Variants in ENPEP observed in about 807,000 individuals in gnomAD.
The protein encoded by ENPEP is AP-A.
ENPEP carries 103 observed loss-of-function variants against 114.5 expected under a neutral mutation model. That is an observed-to-expected ratio of 0.90 (90% CI 0.77 to 1.06). The LOEUF is 1.06. Ranked by LOEUF, ENPEP falls within the 50% of genes least tolerant of loss-of-function variation. The pLI is 0.00. For synonymous variants in ENPEP, 420 were observed against 422.0 expected (o/e 1.00, Z 0.06); for missense variants, 1,196 against 1,161.3 (o/e 1.03, Z -0.43).
At chr4:110,559,308 G>C (rs1455047392) in intron 18 of ENPEP, 1 of 186,010 alleles carries the variant, frequency 5.4e-6, no homozygotes, top group Non-Finnish European at 1.1e-5. Flanking sequence ...TAAGAATTGG[G>C]TTACCTGTGG....
intron 10 of ENPEP, among the ~76,000 whole-genome samples, chr4:110,522,280 C>T (rs960075199): frequency 6.6e-6 from 1 of 151,882 alleles, no homozygotes; most frequent in African/African-American, 2.4e-5. Flanking sequence ...TTCTCGGGTT[C>T]AAGCCGTTCT....
At chr4:110,500,349 T>G (rs181862021) in intron 3 of ENPEP, among the ~76,000 whole-genome samples, 1 of 152,304 alleles carries the variant, frequency 6.6e-6, no homozygotes, top group Admixed American at 6.5e-5. Flanking sequence ...GAATATCAGC[T>G]GAATAAGGCT....
intron 3 of ENPEP, among the ~76,000 whole-genome samples, chr4:110,501,564 T>A (rs1351293133): frequency 6.6e-6 from 1 of 152,218 alleles, no homozygotes; most frequent in Non-Finnish European, 1.5e-5. Flanking sequence ...GCTAGTTCTC[T>A]TAGGATAAAA....
chr4:110,525,236 T>C (rs893928151), intron 10 of ENPEP, among the ~76,000 whole-genome samples: 13 of 152,184 alleles, frequency 8.5e-5, no homozygotes, highest in Admixed American at 5.9e-4. Context: ...GCTGCTCCCA[T>C]CTGAAGGAAA....
At position 110,548,341 on chromosome 4, in the gene ENPEP, ATGG is replaced by A; in HGVS notation, c.2151+17_2151+19del. On this transcript the variant is annotated intron_variant, in intron 14 of 19. Transcript: ENST00000265162. ...CTATGATTGAGGTGACGTTAATGCT[ATGG>A]TATCTTATGAAAGTAAATGTTTAGC... 6.6e-7 allele frequency: 1 copy of A among 1,522,186 alleles called. No individual in the cohort carries two copies. 94.3% of individuals were successfully genotyped at this position (1,522,186 alleles called of 1,614,324 possible).
intron 18 of ENPEP, among the ~76,000 whole-genome samples, chr4:110,558,653 C>A (rs1293997083): frequency 2.0e-5 from 3 of 152,020 alleles, no homozygotes; most frequent in African/African-American, 7.2e-5. Context: ...TTCTTGTATC[C>A]CTCCTCAACA....
At chr4:110,547,033 C>G (rs1727096545) in intron 13 of ENPEP, among the ~76,000 whole-genome samples, 1 of 152,044 alleles carries the variant, frequency 6.6e-6, no homozygotes, top group Non-Finnish European at 1.5e-5. Flanking sequence ...AACTACTTAA[C>G]TCAGGCTTCT....
chr4:110,538,420 G>A (rs928609164), intron 11 of ENPEP, among the ~76,000 whole-genome samples: 1 of 152,106 alleles, frequency 6.6e-6, no homozygotes, highest in African/African-American at 2.4e-5. Context: ...CTTTTCTTCT[G>A]TAGCTTCCTC....
intron 1 of ENPEP, among the ~76,000 whole-genome samples, chr4:110,484,988 C>G (rs949404392): frequency 2.0e-5 from 3 of 152,078 alleles, no homozygotes; most frequent in African/African-American, 7.2e-5. Flanking sequence ...TGAGGTGTGA[C>G]TCAGAGGAGA....
In ENPEP at chr4:110,506,727, T is replaced by G. The variant is rs1481401156; in HGVS notation, c.1009T>G (p.Phe337Val). The G allele has an allele frequency of 6.2e-7, 1 of 1,601,872 alleles. No homozygotes were observed. Among genetic ancestry groups the G allele is most frequent in the Non-Finnish European group, 8.5e-7 (1 of 1,170,290 alleles). Residue 337 changes from phenylalanine (F) to valine (V), a missense_variant, in exon 4 of 20, where the codon TTT (phenylalanine) becomes GTT (valine). Coordinates refer to ENST00000265162, the MANE Select transcript of ENPEP (RefSeq NM_001977.4). ...TGTGTTTGATTATTTTGAAGAATAC[T>G]TTGCTATGAATTATTCTCTTCCTAA... ...KSVFDYFEEY[F>V]AMNYSLPKLD...
At chr4:110,556,060 T>C (rs1388000595) in intron 18 of ENPEP, among the ~76,000 whole-genome samples, 1 of 152,024 alleles carries the variant, frequency 6.6e-6, no homozygotes, top group Non-Finnish European at 1.5e-5. Context: ...AAAACAGAAA[T>C]AAATATTACA....
At chr4:110,500,354 A>G (rs1725108342) in intron 3 of ENPEP, among the ~76,000 whole-genome samples, 2 of 152,212 alleles carry the variant, frequency 1.3e-5, no homozygotes, top group Admixed American at 1.3e-4. Flanking sequence ...TCAGCTGAAT[A>G]AGGCTGTATA....
chr4:110,482,806 C>T (rs1724362219), intron 1 of ENPEP, among the ~76,000 whole-genome samples: 2 of 151,990 alleles, frequency 1.3e-5, no homozygotes, highest in Non-Finnish European at 1.5e-5. Flanking sequence ...GTCAGGAGTT[C>T]GAGAGCAGCC....
intron 2 of ENPEP, among the ~76,000 whole-genome samples, chr4:110,489,125 A>G (rs960305385): frequency 6.6e-6 from 1 of 151,894 alleles, no homozygotes. Context: ...CATCACTTAA[A>G]TAGTGGGTTG....
chr4:110,518,774 C>A (rs1725874707), intron 8 of ENPEP, among the ~76,000 whole-genome samples: 2 of 152,088 alleles, frequency 1.3e-5, no homozygotes, highest in Non-Finnish European at 2.9e-5. Flanking sequence ...AATGTGGGAG[C>A]TTTATTAAAT....
At chr4:110,531,042 C>G (rs1344921216) in intron 10 of ENPEP, among the ~76,000 whole-genome samples, 156 bp from the exon 11 acceptor site, 2 of 152,034 alleles carry the variant, frequency 1.3e-5, no homozygotes, top group African/African-American at 2.4e-5. Context: ...ATCTTCATCA[C>G]TAAAATGTTG....
At chr4:110,553,896 C>G (rs755628497) in intron 18 of ENPEP, among the ~76,000 whole-genome samples, 3 of 151,882 alleles carry the variant, frequency 2.0e-5, no homozygotes, top group Non-Finnish European at 2.9e-5. Context: ...CTATCCTGAC[C>G]AGATAATGAA....
intron 3 of ENPEP, among the ~76,000 whole-genome samples, chr4:110,503,300 C>T (rs1474987807): frequency 6.6e-6 from 1 of 152,108 alleles, no homozygotes; most frequent in African/African-American, 2.4e-5. Flanking sequence ...CTCTGAGATT[C>T]TTTCTTCAGC....
rs1578386240 is a variant in ENPEP at position 110,476,220 on chromosome 4, A to T, written c.-195A>T. ...CTCATTCCACCCCCCTTGTTTCCGC[A>T]TTCATCCTGAGTGGCTGGTGGGAAC... On this transcript the variant is annotated 5_prime_UTR_variant, in exon 1 of 20. Coordinates refer to ENST00000265162, the MANE Select transcript of ENPEP (RefSeq NM_001977.4). 3 of 612,318 alleles carry T rather than the reference A, an allele frequency of 4.9e-6. No homozygotes were observed. The East Asian group carries it at 8.7e-5, about 18-fold the overall frequency. 37.9% of individuals were successfully genotyped at this position (612,318 alleles called of 1,614,324 possible).
Sources: gnomAD v4.1 joint callset for allele counts (sites outside exome capture counted in the v4.1 genomes callset) on GRCh38, gnomAD v4.1.1 for gene constraint, MANE v1.5 for transcripts, NCBI Gene and HGNC (gene_info 2026-07-23, HGNC 2026-07-21) for gene names.